The following KCND2 variants were observed in gnomAD, a reference collection of about 807,000 sequenced individuals.
The protein encoded by KCND2 is potassium voltage-gated channel subfamily D member 2.
Under a neutral mutation model 54.4 loss-of-function variants are expected in KCND2, and 16 were observed. The observed-to-expected ratio is 0.29, with a 90% CI of 0.20 to 0.45. The LOEUF (loss-of-function observed/expected upper bound fraction) is 0.45, where lower values mean the gene tolerates loss of function less well. KCND2 is among the 20% of genes least tolerant of loss of function. The pLI, the probability that KCND2 is intolerant of heterozygous loss-of-function variation, is 1.00. For synonymous variants in KCND2, 317 were observed against 310.7 expected, an observed-to-expected ratio of 1.02 and a Z score of -0.21; for missense variants, 486 against 824.2, an observed-to-expected ratio of 0.59 and a Z score of 5.02.
chr7:120,406,298 A>G (rs569079803), intron 1 of KCND2, among the ~76,000 whole-genome samples: 1 of 152,018 alleles, frequency 6.6e-6, no homozygotes, highest in South Asian at 2.1e-4. Flanking sequence ...CTCAAAATCA[A>G]CCTGGTTTGT....
chr7:120,698,022 CTTT>C (rs35589294), intron 1 of KCND2, among the ~76,000 whole-genome samples: 9 of 85,590 alleles, frequency 1.1e-4, no homozygotes, highest in East Asian at 9.8e-4. Flanking sequence ...TAGATTTGCC[CTTT>C]TTTTTTTTTT....
chr7:120,560,155 A>T (rs749316005), intron 1 of KCND2, among the ~76,000 whole-genome samples: 1 of 152,358 alleles, frequency 6.6e-6, no homozygotes, highest in South Asian at 2.1e-4. Context: ...TAATATGACT[A>T]ACTCATAAGT....
At chr7:120,595,592 T>TATATAC (rs1491435145) in intron 1 of KCND2, among the ~76,000 whole-genome samples, 2 of 3,770 alleles carry the variant, frequency 5.3e-4, no homozygotes, top group Non-Finnish European at 0.01. Context: ...TGTGTGTGTG[T>TATATAC]ATATATATAT....
intron 1 of KCND2, among the ~76,000 whole-genome samples, chr7:120,352,983 A>G (rs929276975): frequency 3.3e-5 from 5 of 152,128 alleles, no homozygotes; most frequent in Admixed American, 2.0e-4. Flanking sequence ...GAAAATTTTC[A>G]GGAGCGAATT....
chr7:120,409,809 A>G (rs1801420846), intron 1 of KCND2, among the ~76,000 whole-genome samples: 1 of 151,870 alleles, frequency 6.6e-6, no homozygotes, highest in African/African-American at 2.4e-5. Flanking sequence ...TATCTAATAC[A>G]TGTTCTGCAA....
intron 4 of KCND2, among the ~76,000 whole-genome samples, chr7:120,743,575 C>T (rs896070896): frequency 2.0e-5 from 3 of 152,124 alleles, no homozygotes; most frequent in African/African-American, 7.2e-5. Flanking sequence ...AGGGCAGAGC[C>T]ATGAGGGGAC....
chr7:120,673,615 C>CTTACTACAGCCAGAATAAAA (rs1792020771), intron 1 of KCND2, among the ~76,000 whole-genome samples: 1 of 152,108 alleles, frequency 6.6e-6, no homozygotes, highest in East Asian at 1.9e-4. Context: ...GGTTTCCCAT[C>CTTACTACAGCCAGAATAAAA]TTACTACAGC....
In KCND2 at chr7:120,705,591, G is replaced by A. The variant is rs111950582; in HGVS notation, c.1116-27312G>A. On this transcript the variant is annotated intron_variant, in intron 1 of 5. Coordinates refer to ENST00000331113, the MANE Select transcript of KCND2 (RefSeq NM_012281.3). Reference sequence around the variant, plus strand: ...TGGTGTAAGTATTCAATAACTGAGCGGGCATTCAATCAATCATAGTTAATG... The same window carrying A: ...TGGTGTAAGTATTCAATAACTGAGCAGGCATTCAATCAATCATAGTTAATG... 1.1e-3 allele frequency among the ~76,000 whole-genome samples: 163 copies of A among 152,130 alleles called. 1 individual carries two copies. The highest frequency in any genetic ancestry group is 3.2e-3 in the African/African-American group (132 of 41,518).
intron 1 of KCND2, among the ~76,000 whole-genome samples, chr7:120,296,170 G>T (rs1799510880): frequency 6.6e-6 from 1 of 151,938 alleles, no homozygotes; most frequent in South Asian, 2.1e-4. Context: ...TCTCCTTTTG[G>T]CAGGGTCAGG....
At chr7:120,666,900 T>TA (rs1791934037) in intron 1 of KCND2, among the ~76,000 whole-genome samples, 1 of 152,044 alleles carries the variant, frequency 6.6e-6, no homozygotes, top group Non-Finnish European at 1.5e-5. Context: ...AAATTTTAGG[T>TA]AAAAATTTAT....
chr7:120,276,847 C>A (rs1220413314), intron 1 of KCND2, among the ~76,000 whole-genome samples: 2 of 151,984 alleles, frequency 1.3e-5, no homozygotes, highest in Non-Finnish European at 2.9e-5. Flanking sequence ...TTTATGAGTT[C>A]TTAGATAAGC....
chr7:120,656,669 T>C (rs1255768915), intron 1 of KCND2, among the ~76,000 whole-genome samples: 1 of 152,258 alleles, frequency 6.6e-6, no homozygotes, highest in Non-Finnish European at 1.5e-5. Context: ...TCCCTTTTCA[T>C]AAATTTCATT....
intron 1 of KCND2, among the ~76,000 whole-genome samples, chr7:120,493,460 A>G (rs1802811488): frequency 6.6e-6 from 1 of 152,084 alleles, no homozygotes; most frequent in Non-Finnish European, 1.5e-5. Flanking sequence ...TTAAAGTTTA[A>G]TGGGGGTAAA....
intron 1 of KCND2, among the ~76,000 whole-genome samples, chr7:120,649,173 C>G (rs1791693252): frequency 6.6e-6 from 1 of 151,306 alleles, no homozygotes; most frequent in African/African-American, 2.4e-5. Flanking sequence ...ATAAGACTTC[C>G]TTTCTCAATT....
chr7:120,687,896 T>C (rs1178976200), intron 1 of KCND2, among the ~76,000 whole-genome samples: 1 of 152,176 alleles, frequency 6.6e-6, no homozygotes, highest in Non-Finnish European at 1.5e-5. Flanking sequence ...TCTCTTTTGT[T>C]ATTGAAGTTC....
intron 1 of KCND2, among the ~76,000 whole-genome samples, chr7:120,706,429 G>C (rs994486788): frequency 1.3e-5 from 2 of 152,272 alleles, no homozygotes; most frequent in Admixed American, 1.3e-4. Context: ...TCTGGTGAAG[G>C]CTGCATCCTC....
At chr7:120,502,401 T>C (rs1210144313) in intron 1 of KCND2, among the ~76,000 whole-genome samples, 1 of 152,014 alleles carries the variant, frequency 6.6e-6, no homozygotes, top group Non-Finnish European at 1.5e-5. Flanking sequence ...GGACAGTTTT[T>C]ACTAGACTGG....
At position 120,274,649 on chromosome 7, in the gene KCND2, C is replaced by G. The variant is rs772953261; in HGVS notation, c.17C>G (p.Ala6Gly). The change falls in exon 1 of 6, where the codon GCA (alanine) becomes GGA (glycine). Residue 6 changes from alanine to glycine, a missense_variant. Coordinates refer to ENST00000331113, the MANE Select transcript of KCND2 (RefSeq NM_012281.3). ...CAAGTAATCATGGCGGCGGGGGTGGCAGCGTGGCTGCCTTTTGCAAGGGCA... is the reference window on the plus strand; with the variant it reads ...CAAGTAATCATGGCGGCGGGGGTGGGAGCGTGGCTGCCTTTTGCAAGGGCA... MAAGV[A>G]AWLPFARAAA... 44 of 1,613,950 alleles carry G rather than the reference C, an allele frequency of 2.7e-5. No individual in the cohort carries two copies. Among genetic ancestry groups the G allele is most frequent in the Non-Finnish European group, 3.7e-5 (44 of 1,180,048 alleles).
At chr7:120,430,839 C>T (rs1391394750) in intron 1 of KCND2, among the ~76,000 whole-genome samples, 1 of 152,208 alleles carries the variant, frequency 6.6e-6, no homozygotes, top group Non-Finnish European at 1.5e-5. Context: ...CACCACTATT[C>T]CACTATCCTT....
Sources: allele counts gnomAD v4.1 joint callset (sites outside exome capture counted in the v4.1 genomes callset), GRCh38; gene constraint gnomAD v4.1.1; transcripts MANE v1.5; gene names NCBI Gene and HGNC (gene_info 2026-07-23, HGNC 2026-07-21).